The following FAM193A variants were observed in gnomAD, a reference collection of about 807,000 sequenced individuals.
FAM193A encodes the protein family with sequence similarity 193 member A.
Under a neutral mutation model 126.5 loss-of-function variants are expected in FAM193A, and 22 were observed. The observed-to-expected ratio is 0.17, with a 90% CI of 0.12 to 0.25. FAM193A has a LOEUF of 0.25. FAM193A is among the 10% of genes least tolerant of loss of function. The pLI is 1.00. For missense variants in FAM193A, 1,675 were observed against 1,672.8 expected (o/e 1.00, Z -0.02); for synonymous variants, 761 against 646.8 (o/e 1.18, Z -2.68).
chr4:2,688,654 G>A (rs546496434), intron 13 of FAM193A, among the ~76,000 whole-genome samples: 1 of 152,204 alleles, frequency 6.6e-6, no homozygotes, highest in Non-Finnish European at 1.5e-5. Flanking sequence ...TGACATGCTC[G>A]AATTTACATT....
chr4:2,604,195 A>T (rs1277200714), intron 2 of FAM193A, among the ~76,000 whole-genome samples: 4 of 152,310 alleles, frequency 2.6e-5, no homozygotes, highest in African/African-American at 4.8e-5. Flanking sequence ...GTTATAGTTG[A>T]AAATCATGGT....
At chr4:2,689,414 C>A in intron 13 of FAM193A, 92 bp from the exon 14 acceptor site, 2 of 895,150 alleles carry the variant, frequency 2.2e-6, no homozygotes, top group Non-Finnish European at 3.4e-6. Flanking sequence ...TCCCATGAGG[C>A]TCATAATGAA....
Position 2,568,545 on chromosome 4 carries a change from A to G in FAM193A, c.256-27539A>G, listed in dbSNP as rs978273362. On this transcript the variant is annotated intron_variant, in intron 1 of 20. Transcript: ENST00000637812. Reference sequence around the variant, plus strand: ...AAAATAAATAAATAATTTTAACATCATATTTGGGTCTGTAGAAGTTTTCTG... The same window carrying G: ...AAAATAAATAAATAATTTTAACATCGTATTTGGGTCTGTAGAAGTTTTCTG... Among the ~76,000 whole-genome samples the G allele has an allele frequency of 4.6e-5, 7 of 152,242 alleles. No homozygotes were observed. In the East Asian group the frequency reaches 1.4e-3, roughly 29 times the overall value.
At chr4:2,708,661 C>A (rs1385236679) in intron 19 of FAM193A, among the ~76,000 whole-genome samples, 1 of 152,030 alleles carries the variant, frequency 6.6e-6, no homozygotes, top group East Asian at 1.9e-4. Flanking sequence ...TGGGGTTTCA[C>A]CATGTTGGCT....
At chr4:2,679,882 C>A (rs1007970503) in intron 13 of FAM193A, among the ~76,000 whole-genome samples, 4 of 150,170 alleles carry the variant, frequency 2.7e-5, no homozygotes, top group African/African-American at 9.8e-5. Context: ...TTCTTTGAGA[C>A]GGAGTCTTGC....
At chr4:2,640,189 C>T (rs1744474895) in intron 6 of FAM193A, among the ~76,000 whole-genome samples, 1 of 152,084 alleles carries the variant, frequency 6.6e-6, no homozygotes, top group African/African-American at 2.4e-5. Context: ...GGCTCTTGGA[C>T]ATGTAGGGGA....
At chr4:2,551,322 A>G (rs1364938546) in intron 1 of FAM193A, among the ~76,000 whole-genome samples, 4 of 152,194 alleles carry the variant, frequency 2.6e-5, no homozygotes, top group African/African-American at 9.6e-5. Flanking sequence ...AGCACACCAA[A>G]TCTGAAAATC....
chr4:2,556,208 T>C (rs1489599897), intron 1 of FAM193A, among the ~76,000 whole-genome samples: 2 of 150,758 alleles, frequency 1.3e-5, no homozygotes, highest in Non-Finnish European at 3.0e-5. Flanking sequence ...TGAGATACTG[T>C]CCTTTTTTTG....
In FAM193A at chr4:2,711,772, C is replaced by A. The variant is rs573332096; in HGVS notation, c.4373-4251C>A. ...GGAAACCCTGTATCTACTAAAAATA[C>A]AAAAATTAGCTGGACGTGGTGGCAC... On this transcript the variant is annotated intron_variant, in intron 19 of 20. Transcript: ENST00000637812. Among the ~76,000 whole-genome samples, 26 of 151,876 alleles carry A rather than the reference C, an allele frequency of 1.7e-4. No individual in the cohort carries two copies. In the East Asian group the frequency reaches 5.1e-3, roughly 30 times the overall value.
At chr4:2,546,955 TA>T (rs1168710656) in intron 1 of FAM193A, among the ~76,000 whole-genome samples, 1 of 152,184 alleles carries the variant, frequency 6.6e-6, no homozygotes, top group Non-Finnish European at 1.5e-5. Context: ...TTATTATTAA[TA>T]TTTTTTTAGT....
At chr4:2,670,412 C>T (rs1193374036) in intron 12 of FAM193A, among the ~76,000 whole-genome samples, 1 of 152,078 alleles carries the variant, frequency 6.6e-6, no homozygotes, top group Non-Finnish European at 1.5e-5. Flanking sequence ...TATCTGAACT[C>T]ACTCCTGTTA....
chr4:2,650,564 C>T (rs887535356), intron 7 of FAM193A, among the ~76,000 whole-genome samples: 1 of 152,112 alleles, frequency 6.6e-6, no homozygotes, highest in Admixed American at 6.5e-5. Context: ...GCTCTGAAGC[C>T]CAGGGAGAGG....
intron 12 of FAM193A, among the ~76,000 whole-genome samples, chr4:2,671,177 T>C (rs770403815): frequency 2.0e-5 from 3 of 152,208 alleles, no homozygotes; most frequent in Non-Finnish European, 2.9e-5. Context: ...TGAGGTGTCC[T>C]CAGTGCATGC....
chr4:2,570,174 G>C (rs919499730), intron 1 of FAM193A, among the ~76,000 whole-genome samples: 5 of 152,072 alleles, frequency 3.3e-5, no homozygotes, highest in Non-Finnish European at 5.9e-5. Context: ...GGACAGTAGT[G>C]AATGTTCGTA....
At chr4:2,624,081 G>A (rs191760408) in intron 2 of FAM193A, among the ~76,000 whole-genome samples, 15 of 152,286 alleles carry the variant, frequency 9.8e-5, no homozygotes, top group African/African-American at 3.6e-4. Context: ...GGGTAACTGA[G>A]CGGGAGGAGG....
intron 20 of FAM193A, among the ~76,000 whole-genome samples, chr4:2,728,115 G>C (rs1030003973): frequency 1.4e-4 from 21 of 151,860 alleles, no homozygotes; most frequent in African/African-American, 4.6e-4. Flanking sequence ...ATTTTTAGTA[G>C]AGGCAGGGTT....
At chr4:2,670,264 G>T (rs1713636166) in intron 12 of FAM193A, among the ~76,000 whole-genome samples, 1 of 152,024 alleles carries the variant, frequency 6.6e-6, no homozygotes, top group Admixed American at 6.6e-5. Flanking sequence ...TTCACCTATA[G>T]AATTTATATT....
chr4:2,547,114 G>T (rs1055881193), intron 1 of FAM193A, among the ~76,000 whole-genome samples: 1 of 152,136 alleles, frequency 6.6e-6, no homozygotes, highest in African/African-American at 2.4e-5. Flanking sequence ...TGGGCTGGGC[G>T]TGGTGGCTCA....
At chr4:2,653,386 A>G (rs1023774539) in intron 7 of FAM193A, among the ~76,000 whole-genome samples, 6 of 152,232 alleles carry the variant, frequency 3.9e-5, no homozygotes, top group East Asian at 1.9e-4. Flanking sequence ...TGCATGTTAC[A>G]TTGCTTTTAC....
Sources: gnomAD v4.1 joint callset for allele counts (sites outside exome capture counted in the v4.1 genomes callset) on GRCh38, gnomAD v4.1.1 for gene constraint, MANE v1.5 for transcripts, NCBI Gene and HGNC (gene_info 2026-07-23, HGNC 2026-07-21) for gene names.